Variants in MAST4 observed in about 807,000 individuals in gnomAD.
MAST4 encodes the protein microtubule associated serine/threonine kinase family member 4, also known as microtubule-associated serine/threonine-protein kinase 4.
MAST4 carries 89 observed loss-of-function variants against 162.7 expected under a neutral mutation model. The ratio of observed to expected loss-of-function variants is 0.55; its 90% CI spans 0.46 to 0.65. The LOEUF (loss-of-function observed/expected upper bound fraction) is 0.65, where lower values mean the gene tolerates loss of function less well. Ranked by LOEUF, MAST4 falls within the 30% of genes least tolerant of loss-of-function variation. The pLI is 0.00. For missense variants in MAST4, 3,153 were observed against 3,374.0 expected, an observed-to-expected ratio of 0.93 and a Z score of 1.62; for synonymous variants, 1,479 against 1,361.1, an observed-to-expected ratio of 1.09 and a Z score of -1.91.
chr5:66,760,077 C>T (rs934198764), intron 2 of MAST4, among the ~76,000 whole-genome samples: 3 of 147,174 alleles, frequency 2.0e-5, no homozygotes, highest in Admixed American at 6.8e-5. Context: ...ACAATATCCC[C>T]TATTTATTTA....
At chr5:66,752,711 C>T (rs1414438860) in intron 1 of MAST4, among the ~76,000 whole-genome samples, 1 of 147,242 alleles carries the variant, frequency 6.8e-6, no homozygotes, top group African/African-American at 2.5e-5. Flanking sequence ...CTTTAACACC[C>T]CACTGTCAAC....
chr5:66,716,519 A>G (rs966347139), intron 1 of MAST4, among the ~76,000 whole-genome samples: 7 of 151,732 alleles, frequency 4.6e-5, no homozygotes, highest in African/African-American at 1.7e-4. Context: ...CTAATTAAAA[A>G]AAAAATTTTT....
chr5:66,673,032 A>G (rs1190254398), intron 1 of MAST4, among the ~76,000 whole-genome samples: 2 of 152,080 alleles, frequency 1.3e-5, no homozygotes, highest in South Asian at 2.1e-4. Context: ...GCGTTTCTCT[A>G]ATTACCATTG....
At chr5:66,984,832 A>T (rs545521175) in intron 4 of MAST4, among the ~76,000 whole-genome samples, 1 of 152,234 alleles carries the variant, frequency 6.6e-6, no homozygotes, top group South Asian at 2.1e-4. Context: ...GGATGAACAG[A>T]AGATCACGGT....
chr5:67,131,059 C>T (rs1768909811), intron 15 of MAST4, among the ~76,000 whole-genome samples: 1 of 151,864 alleles, frequency 6.6e-6, no homozygotes, highest in Admixed American at 6.6e-5. Flanking sequence ...GAACAGAATC[C>T]CAAAACTATA....
intron 3 of MAST4, among the ~76,000 whole-genome samples, chr5:66,794,294 TTAGCC>T (rs11277854): frequency 0.012 from 1,820 of 152,266 alleles, 33 homozygotes; most frequent in African/African-American, 0.04. Flanking sequence ...CTGCCATTTA[TTAGCC>T]TCAGTTAGGG....
At chr5:66,951,636 G>A (rs575556566) in intron 4 of MAST4, among the ~76,000 whole-genome samples, 1,896 of 145,374 alleles carry the variant, frequency 0.013, 49 homozygotes, top group African/African-American at 0.049. Context: ...GTGTGTGTGT[G>A]TGTGTGTGTG....
At chr5:67,039,260 T>A (rs934165441) in intron 4 of MAST4, among the ~76,000 whole-genome samples, 1 of 152,228 alleles carries the variant, frequency 6.6e-6, no homozygotes, top group Non-Finnish European at 1.5e-5. Flanking sequence ...GGTCTTGATA[T>A]GCAGTTTAAT....
At chr5:66,710,484 G>T (rs1750424883) in intron 1 of MAST4, among the ~76,000 whole-genome samples, 1 of 152,052 alleles carries the variant, frequency 6.6e-6, no homozygotes, top group African/African-American at 2.4e-5. Flanking sequence ...TTAGATGTGG[G>T]TCTATAGACG....
At chr5:67,079,064 T>C (rs1356670401) in intron 5 of MAST4, among the ~76,000 whole-genome samples, 1 of 148,684 alleles carries the variant, frequency 6.7e-6, no homozygotes, top group Non-Finnish European at 1.5e-5. Context: ...GTGCAGTGTC[T>C]TTGGAGAGCA....
chr5:66,770,736 T>C (rs1410517772), intron 2 of MAST4, among the ~76,000 whole-genome samples: 1 of 152,238 alleles, frequency 6.6e-6, no homozygotes, highest in Non-Finnish European at 1.5e-5. Context: ...GATGTGTACC[T>C]GAGCCCTGGA....
At position 67,093,796 on chromosome 5, in the gene MAST4, GAC is replaced by G. The variant is rs530576996; in HGVS notation, c.834-1800_834-1799del. Among the ~76,000 whole-genome samples the G allele has an allele frequency of 2.0e-3, 305 of 152,280 alleles. 1 individual carries two copies. Among genetic ancestry groups the G allele is most frequent in the African/African-American group, 6.9e-3 (287 of 41,550 alleles). ...AATTGTGTCCCTCACTCTTTCCAGA[GAC>G]TAGTTTCTGATAATTGCTATTAAAG... is the stretch of plus-strand genomic sequence containing the variant. On this transcript the variant is annotated intron_variant, in intron 6 of 28. Coordinates refer to ENST00000403625, the MANE Select transcript of MAST4 (RefSeq NM_001164664.2).
chr5:66,856,420 T>C (rs1759688778), intron 3 of MAST4, among the ~76,000 whole-genome samples: 2 of 152,216 alleles, frequency 1.3e-5, no homozygotes, highest in South Asian at 4.1e-4. Flanking sequence ...ATGGTTAGCT[T>C]TCACCTGGAA....
intron 2 of MAST4, among the ~76,000 whole-genome samples, chr5:66,764,102 ATC>A (rs1554050323): frequency 1.1e-4 from 16 of 152,336 alleles, no homozygotes; most frequent in Non-Finnish European, 2.2e-4. Context: ...AACTGCAAAC[ATC>A]TCAATGGTAG....
intron 1 of MAST4, among the ~76,000 whole-genome samples, chr5:66,623,995 T>G: frequency 6.6e-6 from 1 of 152,090 alleles, no homozygotes; most frequent in Non-Finnish European, 1.5e-5. Context: ...ATTAAGAGAA[T>G]CTCATTTACA....
chr5:66,678,535 G>T (rs558242083), intron 1 of MAST4, among the ~76,000 whole-genome samples: 166 of 150,460 alleles, frequency 1.1e-3, no homozygotes, highest in African/African-American at 3.9e-3. Context: ...TTGTTCTGTC[G>T]CCAGGCTGGA....
At chr5:66,920,306 G>T (rs1179504066) in intron 4 of MAST4, among the ~76,000 whole-genome samples, 2 of 151,920 alleles carry the variant, frequency 1.3e-5, no homozygotes, top group Non-Finnish European at 2.9e-5. Flanking sequence ...AATTGACAGA[G>T]TTGATAAAGA....
chr5:67,065,936 TG>T (rs1438905128), intron 5 of MAST4, among the ~76,000 whole-genome samples: 5 of 152,184 alleles, frequency 3.3e-5, no homozygotes, highest in African/African-American at 1.2e-4. Context: ...GTGCACACAC[TG>T]TGGCAACCCA....
intron 3 of MAST4, among the ~76,000 whole-genome samples, chr5:66,811,906 C>G (rs1756498298): frequency 6.6e-6 from 1 of 152,148 alleles, no homozygotes; most frequent in South Asian, 2.1e-4. Context: ...CTTTAGGAAT[C>G]AATACTGGAA....
Sources: allele counts gnomAD v4.1 joint callset (sites outside exome capture counted in the v4.1 genomes callset), GRCh38; gene constraint gnomAD v4.1.1; transcripts MANE v1.5; gene names NCBI Gene and HGNC (gene_info 2026-07-23, HGNC 2026-07-21).